The following RNF216 variants were observed in gnomAD, a reference collection of about 807,000 sequenced individuals.
RNF216 encodes ring finger protein 216, also known as E3 ubiquitin-protein ligase RNF216.
Under a neutral mutation model 110.8 loss-of-function variants are expected in RNF216, and 72 were observed. The observed-to-expected ratio is 0.65, with a 90% CI of 0.54 to 0.79. RNF216 has a LOEUF of 0.79. Among genes scored for constraint, RNF216 ranks in the 30% least tolerant of loss-of-function variants. The pLI is 0.00. For synonymous variants in RNF216, 495 were observed against 407.5 expected (o/e 1.21, Z -2.59); for missense variants, 1,342 against 1,141.2 (o/e 1.18, Z -2.54).
intron 11 of RNF216, 124 bp downstream of exon 11, chr7:5,714,929 C>T: frequency 1.2e-6 from 1 of 809,506 alleles, no homozygotes; most frequent in South Asian, 2.1e-5. Flanking sequence ...GTAATGTACA[C>T]ATAAGCATAC....
chr7:5,641,277 A>C lies in RNF216; in HGVS notation c.2259T>G (p.Gly753=). 6.2e-7 allele frequency: 1 copy of C among 1,614,198 alleles called. No individual in the cohort carries two copies. The highest frequency in any genetic ancestry group is 8.5e-7 in the Non-Finnish European group (1 of 1,180,042). ...EGCNRMSCRC[G]AQMCYLCRVS... is the part of the protein sequence containing the mutation. ...CTCGACAGAGGTAGCACATCTGGGCACCACAGCGGCAAGACATGCGGTTGC... is the reference window on the plus strand; with the variant it reads ...CTCGACAGAGGTAGCACATCTGGGCCCCACAGCGGCAAGACATGCGGTTGC... Residue 753 remains glycine (G), a synonymous_variant, in exon 15 of 17, where the codon GGT becomes GGG. Coordinates refer to ENST00000389902, the MANE Select transcript of RNF216 (RefSeq NM_207111.4).
At position 5,661,725 on chromosome 7, in the gene RNF216, C is replaced by T. The variant is rs541679308; in HGVS notation, c.2062-9215G>A. On this transcript the variant is annotated intron_variant, in intron 13 of 16. Transcript: ENST00000389902. ...GGCTGAGGCATGAGAATCGTTCGAA[C>T]CTGGGAGGCAGAGGTTGCAGTGAGC... Among the ~76,000 whole-genome samples the T allele has an allele frequency of 2.0e-5, 3 of 152,238 alleles. No homozygotes were observed. In the East Asian group the frequency reaches 5.8e-4, roughly 29 times the overall value.
intron 9 of RNF216, among the ~76,000 whole-genome samples, chr7:5,720,589 T>C (rs1793357668): frequency 2.0e-5 from 3 of 152,146 alleles, no homozygotes; most frequent in African/African-American, 4.8e-5. Flanking sequence ...GTCACTGTAA[T>C]GTCTTAGCAT....
intron 14 of RNF216, 73 bp downstream of exon 14, chr7:5,652,340 C>T (rs1788444017): frequency 9.3e-7 from 1 of 1,072,054 alleles, no homozygotes; most frequent in East Asian, 2.4e-5. Context: ...AACAGTATGC[C>T]CTCTCTACCA....
At chr7:5,758,085 G>A (rs573139163) in intron 2 of RNF216, among the ~76,000 whole-genome samples, 10 of 152,094 alleles carry the variant, frequency 6.6e-5, no homozygotes, top group East Asian at 3.9e-4. Flanking sequence ...ATACATACTC[G>A]TCTAACAAAA....
intron 1 of RNF216, among the ~76,000 whole-genome samples, chr7:5,767,350 G>A (rs1796258956): frequency 6.6e-6 from 1 of 152,144 alleles, no homozygotes; most frequent in East Asian, 1.9e-4. Context: ...GGCAGAAGCA[G>A]CAATTTCAAT....
intron 12 of RNF216, among the ~76,000 whole-genome samples, chr7:5,712,472 C>CAA (rs777046723): frequency 5.5e-5 from 6 of 109,448 alleles, no homozygotes; most frequent in Non-Finnish European, 7.8e-5. Flanking sequence ...GAATCCACCT[C>CAA]AAAAAAAAAA....
At chr7:5,718,889 C>T (rs1793236127) in intron 9 of RNF216, among the ~76,000 whole-genome samples, 1 of 152,066 alleles carries the variant, frequency 6.6e-6, no homozygotes, top group African/African-American at 2.4e-5. Flanking sequence ...GAACTCCTGG[C>T]CTCAAGTGAT....
intron 13 of RNF216, among the ~76,000 whole-genome samples, chr7:5,706,802 T>C (rs143526971): frequency 3.1e-4 from 47 of 152,374 alleles, no homozygotes; most frequent in African/African-American, 1.0e-3. Flanking sequence ...TTTTTGCTTT[T>C]GTCACCTTGT....
At chr7:5,727,139 AGT>A (rs1793809208) in intron 7 of RNF216, among the ~76,000 whole-genome samples, 2 of 152,286 alleles carry the variant, frequency 1.3e-5, no homozygotes, top group South Asian at 2.1e-4. Flanking sequence ...GCTATGATGC[AGT>A]GTTTGCCTGA....
chr7:5,729,858 T>C (rs13239194), intron 6 of RNF216, among the ~76,000 whole-genome samples: 41,730 of 152,094 alleles, frequency 0.27, 7,142 homozygotes, highest in East Asian at 0.7. Flanking sequence ...CTTCTTTCCA[T>C]ACCATATTTA....
chr7:5,773,617 G>A (rs900728943), intron 1 of RNF216, among the ~76,000 whole-genome samples: 1 of 152,114 alleles, frequency 6.6e-6, no homozygotes, highest in African/African-American at 2.4e-5. Flanking sequence ...ACCCAGGCTG[G>A]AGTGCAGTGG....
chr7:5,724,431 C>T (rs1584516330), intron 8 of RNF216, among the ~76,000 whole-genome samples: 1 of 152,234 alleles, frequency 6.6e-6, no homozygotes, highest in African/African-American at 2.4e-5. Context: ...GAAACAAATA[C>T]TGTATGGCTA....
intron 1 of RNF216, among the ~76,000 whole-genome samples, chr7:5,779,630 G>A (rs1479397289): frequency 6.9e-6 from 1 of 144,534 alleles, no homozygotes; most frequent in Admixed American, 7.2e-5. Flanking sequence ...CCCAGGAGTT[G>A]GGCAGCACAG....
intron 11 of RNF216, 95 bp downstream of exon 11, chr7:5,714,958 C>A (rs1584499152): frequency 1.7e-6 from 2 of 1,170,104 alleles, no homozygotes; most frequent in East Asian, 2.4e-5. Context: ...CTCCACCTCA[C>A]CCTCAAAGAG....
At chr7:5,754,159 T>C (rs939977020) in intron 2 of RNF216, among the ~76,000 whole-genome samples, 47 of 132,816 alleles carry the variant, frequency 3.5e-4, no homozygotes, top group African/African-American at 1.1e-3. Flanking sequence ...TGTGTGTGTG[T>C]GTGCGCATTT....
intron 2 of RNF216, among the ~76,000 whole-genome samples, chr7:5,755,359 T>TA (rs201704800): frequency 1.9e-4 from 29 of 151,478 alleles, no homozygotes; most frequent in East Asian, 9.7e-4. Context: ...AAAGTATACT[T>TA]AAAAAAAAAT....
chr7:5,650,554 G>A (rs902999952), intron 14 of RNF216, among the ~76,000 whole-genome samples: 6 of 152,068 alleles, frequency 3.9e-5, no homozygotes, highest in African/African-American at 1.2e-4. Flanking sequence ...ATTCAGTTGA[G>A]GTTGTAGGAC....
At chr7:5,723,698 A>G (rs1793584681) in intron 8 of RNF216, among the ~76,000 whole-genome samples, 1 of 152,154 alleles carries the variant, frequency 6.6e-6, no homozygotes, top group African/African-American at 2.4e-5. Context: ...ACTTCCCTCT[A>G]ATGTATTTTC....
Sources: allele counts gnomAD v4.1 joint callset (sites outside exome capture counted in the v4.1 genomes callset), GRCh38; gene constraint gnomAD v4.1.1; transcripts MANE v1.5; gene names NCBI Gene and HGNC (gene_info 2026-07-23, HGNC 2026-07-21).